The following DNAJC10 variants were observed in gnomAD, a reference collection of about 807,000 sequenced individuals.
The protein encoded by DNAJC10 is endoplasmic reticulum disulfide reductase DNAJC10.
A neutral mutation model predicts 115.0 loss-of-function variants in DNAJC10; 101 were observed. That is an observed-to-expected ratio of 0.88 (90% CI 0.75 to 1.04). The LOEUF (loss-of-function observed/expected upper bound fraction) is 1.04, where lower values mean the gene tolerates loss of function less well. Ranked by LOEUF, DNAJC10 falls within the 50% of genes least tolerant of loss-of-function variation. The pLI is 0.00. For synonymous variants in DNAJC10, 307 were observed against 301.5 expected, an observed-to-expected ratio of 1.02 and a Z score of -0.19; for missense variants, 981 against 928.8, an observed-to-expected ratio of 1.06 and a Z score of -0.73.
chr2:182,722,752 C>A (rs116343210), intron 5 of DNAJC10, among the ~76,000 whole-genome samples: 1 of 151,914 alleles, frequency 6.6e-6, no homozygotes, highest in Non-Finnish European at 1.5e-5. Flanking sequence ...ACCAGCCTGG[C>A]CAACATGGGG....
chr2:182,772,122 T>G (rs1358490885), intron 22 of DNAJC10, among the ~76,000 whole-genome samples: 1 of 152,126 alleles, frequency 6.6e-6, no homozygotes, highest in Non-Finnish European at 1.5e-5. Context: ...CCACTAGTTG[T>G]GTGGTTTTGA....
At chr2:182,757,973 A>G in intron 19 of DNAJC10, 148 bp downstream of exon 19, 1 of 547,374 alleles carries the variant, frequency 1.8e-6, no homozygotes. Flanking sequence ...TGAACATTTC[A>G]GAAGATGAAA....
chr2:182,776,341 G>T (rs188561832), intron 23 of DNAJC10, among the ~76,000 whole-genome samples: 4 of 152,164 alleles, frequency 2.6e-5, no homozygotes, highest in Non-Finnish European at 5.9e-5. Flanking sequence ...CTGTCAAGAA[G>T]CAGCACAACC....
At chr2:182,740,221 G>T in intron 11 of DNAJC10, 78 bp from the exon 12 acceptor site, 1 of 1,192,204 alleles carries the variant, frequency 8.4e-7, no homozygotes, top group East Asian at 3.3e-5. Flanking sequence ...ATACTACATT[G>T]GAAATTGAAA....
intron 13 of DNAJC10, among the ~76,000 whole-genome samples, chr2:182,743,239 A>C (rs1693780615): frequency 6.6e-6 from 1 of 151,202 alleles, no homozygotes; most frequent in African/African-American, 2.4e-5. Context: ...TCTTTTTCAC[A>C]CTCTTTGAAA....
rs753530799 is a variant in DNAJC10 at position 182,762,790 on chromosome 2, G to A, written c.2254G>A (p.Glu752Lys). ...AYPTVKFYFY[E>K]RAKRNFQEEQ... ...TCCAACTGTTAAATTTTATTTCTAC[G>A]AAAGAGCAAAGGTATGTCCAGACTT... The change falls in exon 22 of 24, where the codon GAA becomes AAA. Residue 752 changes from glutamate (E) to lysine (K), a missense_variant. By Grantham distance (56) the Glu-to-Lys change is moderately conservative. Transcript: ENST00000264065. 24 of 1,611,534 alleles carry A rather than the reference G, an allele frequency of 1.5e-5. No individual in the cohort carries two copies. Among genetic ancestry groups the A allele is most frequent in the Admixed American group, 1.0e-4 (6 of 59,896 alleles).
intron 14 of DNAJC10, among the ~76,000 whole-genome samples, chr2:182,747,227 T>G (rs1693891123): frequency 6.6e-6 from 1 of 150,742 alleles, no homozygotes; most frequent in Admixed American, 6.6e-5. Flanking sequence ...CTTTTTTGGT[T>G]CCATATGAAC....
chr2:182,718,219 A>G lies in DNAJC10; in HGVS notation c.133A>G (p.Thr45Ala), dbSNP rs1173437277. 1 of 1,613,388 alleles carries G rather than the reference A, an allele frequency of 6.2e-7. No homozygotes were observed. The highest frequency in any genetic ancestry group is 1.3e-5 in the African/African-American group (1 of 74,912). Reference sequence around the variant, plus strand: ...TTACAGTTTACTTGGAGTGTCCAAAACTGCAAGCAGTAGAGAAATAAGACA... The same window carrying G: ...TTACAGTTTACTTGGAGTGTCCAAAGCTGCAAGCAGTAGAGAAATAAGACA... ...DFYSLLGVSK[T>A]ASSREIRQAF... Residue 45 changes from threonine to alanine, a missense_variant, in exon 3 of 24, where the codon ACT becomes GCT. Thr to Ala is a moderately conservative substitution (Grantham distance 58). Coordinates refer to ENST00000264065, the MANE Select transcript of DNAJC10 (RefSeq NM_018981.4).
intron 10 of DNAJC10, 165 bp downstream of exon 10, chr2:182,732,707 T>C: frequency 1.6e-6 from 1 of 611,096 alleles, no homozygotes; most frequent in Non-Finnish European, 2.8e-6. Context: ...TCCTGAATAA[T>C]TAGTTACGTT....
intron 23 of DNAJC10, among the ~76,000 whole-genome samples, chr2:182,776,122 T>C (rs1485049985): frequency 1.3e-5 from 2 of 152,088 alleles, no homozygotes; most frequent in African/African-American, 4.8e-5. Flanking sequence ...ATGTGAAATA[T>C]ATCTCAACAA....
intron 23 of DNAJC10, among the ~76,000 whole-genome samples, chr2:182,776,746 T>C (rs1166566507): frequency 6.6e-6 from 1 of 152,222 alleles, no homozygotes; most frequent in Non-Finnish European, 1.5e-5. Flanking sequence ...TTCTAGTGTT[T>C]CGCTATATTA....
chr2:182,730,911 A>G (rs1574924178), intron 8 of DNAJC10, 119 bp from the exon 9 acceptor site: 2 of 614,440 alleles, frequency 3.3e-6, no homozygotes, highest in East Asian at 2.9e-5. Context: ...ATAACTGGTA[A>G]AACTCAGAGT....
intron 22 of DNAJC10, among the ~76,000 whole-genome samples, chr2:182,771,991 C>A (rs1436143881): frequency 6.6e-6 from 1 of 152,158 alleles, no homozygotes; most frequent in African/African-American, 2.4e-5. Flanking sequence ...ACTGCTTTAG[C>A]TGTGTCCCAG....
chr2:182,722,664 C>T (rs756148018), intron 5 of DNAJC10, among the ~76,000 whole-genome samples: 26 of 152,096 alleles, frequency 1.7e-4, no homozygotes, highest in Non-Finnish European at 2.1e-4. Flanking sequence ...TACAGCCAGG[C>T]GCGGTGGCTC....
At chr2:182,720,588 A>G (rs1693125787) in intron 4 of DNAJC10, among the ~76,000 whole-genome samples, 2 of 152,122 alleles carry the variant, frequency 1.3e-5, no homozygotes, top group African/African-American at 4.8e-5. Context: ...AACATGCTGT[A>G]CAGATTTGTA....
chr2:182,737,173 G>GTA (rs1693606088), intron 11 of DNAJC10, among the ~76,000 whole-genome samples: 1 of 152,158 alleles, frequency 6.6e-6, no homozygotes, highest in Non-Finnish European at 1.5e-5. Flanking sequence ...TTGTAATGTG[G>GTA]TATACCTCCT....
intron 22 of DNAJC10, among the ~76,000 whole-genome samples, chr2:182,768,708 C>T (rs964575709): frequency 7.2e-5 from 11 of 152,210 alleles, no homozygotes; most frequent in Middle Eastern, 3.4e-3. Flanking sequence ...TCCTGCTGTG[C>T]GCAGATGAAA....
intron 21 of DNAJC10, 76 bp from the exon 22 acceptor site, chr2:182,762,597 AAAATGTTTT>A (rs1200927102): frequency 7.3e-7 from 1 of 1,370,068 alleles, no homozygotes; most frequent in African/African-American, 1.5e-5. Flanking sequence ...TCTTAGATTC[AAAATGTTTT>A]ATATCCTATT....
At chr2:182,729,243 G>T (rs1693374371) in intron 7 of DNAJC10, 1 of 334,666 alleles carries the variant, frequency 3.0e-6, no homozygotes. Context: ...CTGCCTCCTG[G>T]GCTCAAGCAG....
Sources: allele counts gnomAD v4.1 joint callset (sites outside exome capture counted in the v4.1 genomes callset), GRCh38; gene constraint gnomAD v4.1.1; transcripts MANE v1.5; gene names NCBI Gene and HGNC (gene_info 2026-07-23, HGNC 2026-07-21).